Variants in SNX14 observed in about 807,000 individuals in gnomAD.
SNX14 encodes sorting nexin 14.
A neutral mutation model predicts 133.8 loss-of-function variants in SNX14; 93 were observed. The observed-to-expected ratio is 0.70, with a 90% CI of 0.59 to 0.83. SNX14 has a LOEUF of 0.83. Ranked by LOEUF, SNX14 falls within the 40% of genes least tolerant of loss-of-function variation. The pLI is 0.00. For missense variants in SNX14, 945 were observed against 1,094.9 expected, an observed-to-expected ratio of 0.86 and a Z score of 1.93; for synonymous variants, 368 against 365.6, an observed-to-expected ratio of 1.01 and a Z score of -0.07.
intron 1 of SNX14, among the ~76,000 whole-genome samples, chr6:85,577,396 G>A (rs1264008361): frequency 6.6e-6 from 1 of 151,992 alleles, no homozygotes; most frequent in African/African-American, 2.4e-5. Flanking sequence ...CCGGCTGGGT[G>A]ACAGAGCGAG....
chr6:85,522,418 AC>A (rs1294363115), intron 21 of SNX14, among the ~76,000 whole-genome samples: 1 of 152,176 alleles, frequency 6.6e-6, no homozygotes, highest in African/African-American at 2.4e-5. Flanking sequence ...CACATACACA[AC>A]CTGTTTGATT....
At chr6:85,586,506 G>A (rs551231406) in intron 1 of SNX14, among the ~76,000 whole-genome samples, 120 of 152,106 alleles carry the variant, frequency 7.9e-4, no homozygotes, top group Non-Finnish European at 1.5e-3. Flanking sequence ...TTATTATGGA[G>A]TAGTTATTAG....
chr6:85,587,029 A>T (rs977466462), intron 1 of SNX14, among the ~76,000 whole-genome samples: 1 of 151,952 alleles, frequency 6.6e-6, no homozygotes, highest in African/African-American at 2.4e-5. Flanking sequence ...CTAGGTGACA[A>T]AGTGAGACTC....
At chr6:85,585,240 G>A (rs1800377876) in intron 1 of SNX14, among the ~76,000 whole-genome samples, 1 of 152,092 alleles carries the variant, frequency 6.6e-6, no homozygotes, top group Non-Finnish European at 1.5e-5. Context: ...CTGCTGGGGA[G>A]TGGGGGACTG....
intron 7 of SNX14, among the ~76,000 whole-genome samples, chr6:85,553,762 G>C (rs898754278): frequency 6.7e-6 from 1 of 149,752 alleles, no homozygotes; most frequent in Admixed American, 6.7e-5. Flanking sequence ...CTCCAGCCTC[G>C]GCGACAGAGC....
In SNX14 at chr6:85,567,027, T is replaced by C. The variant is rs539741062; in HGVS notation, c.461+507A>G. Among the ~76,000 whole-genome samples, 3 of 152,316 alleles carry C rather than the reference T, an allele frequency of 2.0e-5. No individual in the cohort carries two copies. The East Asian group carries it at 5.8e-4, about 29-fold the overall frequency. On this transcript the variant is annotated intron_variant, in intron 5 of 28. Transcript: ENST00000314673. ...TTCTCCAGGAAAAGTACTGAAGCTATCTTTCAATTTAATGAAATATGTGAA... is the reference window on the plus strand; with the variant it reads ...TTCTCCAGGAAAAGTACTGAAGCTACCTTTCAATTTAATGAAATATGTGAA...
intron 19 of SNX14, 134 bp downstream of exon 19, chr6:85,530,058 T>C (rs1258232290): frequency 3.7e-6 from 2 of 536,336 alleles, no homozygotes; most frequent in Non-Finnish European, 3.2e-6. Flanking sequence ...CCGTTATCAA[T>C]GAAAGTATAC....
intron 26 of SNX14, among the ~76,000 whole-genome samples, chr6:85,513,173 T>A (rs1402018071): frequency 6.6e-6 from 1 of 152,206 alleles, no homozygotes; most frequent in Non-Finnish European, 1.5e-5. Flanking sequence ...CCTGCTTTGA[T>A]CCCTTGACAT....
At chr6:85,551,520 A>G (rs1286712991) in intron 7 of SNX14, among the ~76,000 whole-genome samples, 1 of 152,186 alleles carries the variant, frequency 6.6e-6, no homozygotes, top group Non-Finnish European at 1.5e-5. Flanking sequence ...AGCTGCACTG[A>G]CCAATCAGAT....
At chr6:85,548,067 A>G (rs563710009) in intron 9 of SNX14, among the ~76,000 whole-genome samples, 2 of 152,336 alleles carry the variant, frequency 1.3e-5, no homozygotes, top group African/African-American at 4.8e-5. Context: ...GACAGAAAGC[A>G]GAATGGTGGT....
intron 15 of SNX14, among the ~76,000 whole-genome samples, chr6:85,541,523 T>C (rs1026711953): frequency 6.6e-6 from 1 of 152,192 alleles, no homozygotes; most frequent in Non-Finnish European, 1.5e-5. Flanking sequence ...TATAAATGGA[T>C]AAAGATTTTC....
chr6:85,514,624 G>A lies in SNX14; in HGVS notation c.2274C>T (p.Phe758=). Residue 758 remains phenylalanine (F), a synonymous_variant, in exon 24 of 29, where the codon TTC becomes TTT. Coordinates refer to ENST00000314673, the MANE Select transcript of SNX14 (RefSeq NM_153816.6). ...SPTSENNKKL[F]NDLFKNNANR... The stretch of plus-strand genomic sequence containing the variant: ...TTGCATTATTTTTAAACAGATCATT[G>A]AAAAGCTAAAATAAAAGTTGGAATA... The A allele has an allele frequency of 6.2e-7, 1 of 1,609,648 alleles. No homozygotes were observed. The highest frequency in any genetic ancestry group is 8.5e-7 in the Non-Finnish European group (1 of 1,177,576).
intron 1 of SNX14, chr6:85,581,898 A>G (rs894501231): frequency 6.6e-6 from 1 of 152,212 alleles, no homozygotes; most frequent in Admixed American, 6.5e-5. Flanking sequence ...AAGAGGAGGC[A>G]GAGAGACAGA....
intron 7 of SNX14, among the ~76,000 whole-genome samples, chr6:85,554,855 T>C (rs1206533083): frequency 1.3e-5 from 2 of 152,162 alleles, no homozygotes; most frequent in Non-Finnish European, 2.9e-5. Context: ...GGTCTTGCTC[T>C]GTTGCCCAGG....
At chr6:85,544,176 A>G (rs894608170) in intron 12 of SNX14, among the ~76,000 whole-genome samples, 1 of 152,340 alleles carries the variant, frequency 6.6e-6, no homozygotes, top group East Asian at 1.9e-4. Flanking sequence ...TGAACGCTGC[A>G]AACTAGTGGC....
At chr6:85,534,879 G>A (rs779673013) in intron 17 of SNX14, among the ~76,000 whole-genome samples, 16 of 146,822 alleles carry the variant, frequency 1.1e-4, no homozygotes, top group Non-Finnish European at 1.6e-4. Context: ...TAATAGAAGC[G>A]GTTTCTGGGT....
At chr6:85,541,402 G>C (rs1227619441) in intron 15 of SNX14, among the ~76,000 whole-genome samples, 2 of 152,078 alleles carry the variant, frequency 1.3e-5, no homozygotes, top group Non-Finnish European at 2.9e-5. Context: ...TTATTGGAAG[G>C]TGTTGAGAGC....
chr6:85,589,965 T>G lies in SNX14; in HGVS notation c.140+3614A>C, dbSNP rs561934977. 6.6e-5 allele frequency among the ~76,000 whole-genome samples: 10 copies of G among 152,306 alleles called. No individual in the cohort carries two copies. In the East Asian group the frequency reaches 1.9e-3, roughly 29 times the overall value. On this transcript the variant is annotated intron_variant, in intron 1 of 28. Coordinates refer to ENST00000314673, the MANE Select transcript of SNX14 (RefSeq NM_153816.6). ...GAACCCCTGGATTTAGAGGCTGAAT[T>G]AGAGACATTATGTCTGGGGACAAGT... is the stretch of plus-strand genomic sequence containing the variant.
intron 12 of SNX14, among the ~76,000 whole-genome samples, chr6:85,545,126 T>C (rs544183888): frequency 2.7e-4 from 41 of 152,098 alleles, no homozygotes; most frequent in African/African-American, 9.2e-4. Context: ...ATTAGGACTA[T>C]GATAAATGAA....
Sources: allele counts gnomAD v4.1 joint callset (sites outside exome capture counted in the v4.1 genomes callset), GRCh38; gene constraint gnomAD v4.1.1; transcripts MANE v1.5; gene names NCBI Gene and HGNC (gene_info 2026-07-23, HGNC 2026-07-21).